HMOX1: variants seen among roughly 807,000 people sequenced by gnomAD.
HMOX1 encodes heme oxygenase 1, also known as heat shock protein, 32-kD.
Under a neutral mutation model 27.8 loss-of-function variants are expected in HMOX1, and 22 were observed. The observed-to-expected ratio is 0.79, with a 90% CI of 0.57 to 1.13. The LOEUF is 1.13. Ranked by LOEUF, HMOX1 falls within the 50% of genes most tolerant of loss-of-function variation. HMOX1 has a pLI of 0.00. For synonymous variants in HMOX1, 153 were observed against 151.6 expected, an observed-to-expected ratio of 1.01 and a Z score of -0.07; for missense variants, 379 against 377.7, an observed-to-expected ratio of 1.00 and a Z score of -0.03.
rs1455111177 is a variant in HMOX1 at position 35,389,907 on chromosome 22, A to C, written c.680A>C (p.Asp227Ala). Residue 227 changes from aspartate (D) to alanine (A), a missense_variant, in exon 4 of 5, where the codon GAC (aspartate) becomes GCC (alanine). Coordinates refer to ENST00000216117, the MANE Select transcript of HMOX1 (RefSeq NM_002133.3). ...LQELLTHDTK[D>A]QSPSRAPGLR... is the part of the protein sequence containing the mutation. ...GAGCTGCTGACCCATGACACCAAGG[A>C]CCAGAGCCCCTCACGGGCACCAGGG... 8 of 1,612,076 alleles carry C rather than the reference A, an allele frequency of 5.0e-6. No homozygotes were observed. Among genetic ancestry groups the C allele is most frequent in the Non-Finnish European group, 6.8e-6 (8 of 1,179,764 alleles).
rs191463168 is a variant in HMOX1, at chr22:35,388,030, G to T, written c.636+854G>T. ...TGTAATCCCAGCACTTTGGGAAGCC[G>T]AGGTGGGCGGATTGCTTGAGCTCAG... On this transcript the variant is annotated intron_variant, in intron 3 of 4. Transcript: ENST00000216117. 2.4e-3 allele frequency among the ~76,000 whole-genome samples: 363 copies of T among 152,294 alleles called. 1 individual carries two copies. Among genetic ancestry groups the T allele is most frequent in the Admixed American group, 0.012 (184 of 15,300 alleles).
rs1418000413 is a variant in HMOX1 at position 35,393,809 on chromosome 22, T to G, written c.*211T>G. 1.6e-6 allele frequency: 1 copy of G among 615,862 alleles called. No individual in the cohort carries two copies. Among genetic ancestry groups the G allele is most frequent in the Admixed American group, 2.4e-5 (1 of 41,652 alleles). The allele number at this position is 615,862 out of a possible 1,614,324, so 38.1% of individuals were successfully genotyped here. ...AGCACATCCAGGCAATGGCCTAAAC[T>G]TCAGAGGGGGCGAAGGGATCAGCCC... On this transcript the variant is annotated 3_prime_UTR_variant, in exon 5 of 5. Transcript: ENST00000216117.
intron 1 of HMOX1, among the ~76,000 whole-genome samples, chr22:35,382,895 T>C (rs917771712): frequency 6.6e-6 from 1 of 152,056 alleles, no homozygotes; most frequent in Non-Finnish European, 1.5e-5. Context: ...TGACCTCAGG[T>C]GATCCACCTG....
chr22:35,389,937 G>A lies in HMOX1; in HGVS notation c.710G>A (p.Arg237His), dbSNP rs183007438. The A allele has an allele frequency of 8.7e-6, 14 of 1,611,278 alleles. No individual in the cohort carries two copies. Among genetic ancestry groups the A allele is most frequent in the Admixed American group, 5.0e-5 (3 of 59,814 alleles). Residue 237 changes from arginine (R) to histidine (H), a missense_variant, in exon 4 of 5, where the codon CGC becomes CAC. Coordinates refer to ENST00000216117, the MANE Select transcript of HMOX1 (RefSeq NM_002133.3). The stretch of plus-strand genomic sequence containing the variant: ...AGCCCCTCACGGGCACCAGGGCTTC[G>A]CCAGCGGGCCAGCAACAAAGTGCAA... ...DQSPSRAPGL[R>H]QRASNKVQDS...
In HMOX1 at chr22:35,386,666, C is replaced by T. The variant is rs17879606; in HGVS notation, c.145-19C>T. ...TCTTCTATGTGGCTGGCGGCCTGAC[C>T]TGCTCACTCTGCTTTCAGCTGGTGA... is the stretch of plus-strand genomic sequence containing the variant. On this transcript the variant is annotated intron_variant, in intron 2 of 4. Transcript: ENST00000216117. The T allele has an allele frequency of 0.044, 71,255 of 1,613,852 alleles. 1,734 individuals carry two copies. The highest frequency in any genetic ancestry group is 0.071 in the Middle Eastern group (429 of 6,060).
chr22:35,389,083 C>T (rs1432011337), intron 3 of HMOX1, among the ~76,000 whole-genome samples: 2 of 152,126 alleles, frequency 1.3e-5, no homozygotes, highest in Non-Finnish European at 2.9e-5. Context: ...CCACAGTGAA[C>T]TCTAAATCCA....
At chr22:35,388,678 T>A (rs1931569774) in intron 3 of HMOX1, among the ~76,000 whole-genome samples, 2 of 151,874 alleles carry the variant, frequency 1.3e-5, no homozygotes, top group Admixed American at 1.3e-4. Flanking sequence ...GCACCTGTAG[T>A]CCCAGCTACT....
Position 35,389,917 on chromosome 22 carries a change from C to A in HMOX1, c.690C>A (p.Pro230=), listed in dbSNP as rs926378215. Residue 230 remains proline, a synonymous_variant, in exon 4 of 5, where the codon CCC becomes CCA. Coordinates refer to ENST00000216117, the MANE Select transcript of HMOX1 (RefSeq NM_002133.3). The part of the protein sequence containing the change: ...LLTHDTKDQS[P]SRAPGLRQRA... ...CCCATGACACCAAGGACCAGAGCCC[C>A]TCACGGGCACCAGGGCTTCGCCAGC... The A allele has an allele frequency of 6.2e-7, 1 of 1,612,070 alleles. No individual in the cohort carries two copies. The highest frequency in any genetic ancestry group is 1.3e-5 in the African/African-American group (1 of 74,872).
Position 35,387,185 on chromosome 22 carries a change from CGGGCAGCCTG to C in HMOX1, c.636+19_636+28del, listed in dbSNP as rs1245430676. 3 of 1,613,078 alleles carry C rather than the reference CGGGCAGCCTG, an allele frequency of 1.9e-6. No homozygotes were observed. Among genetic ancestry groups the C allele is most frequent in the Non-Finnish European group, 2.5e-6 (3 of 1,179,992 alleles). On this transcript the variant is annotated intron_variant, in intron 3 of 4. Transcript: ENST00000216117. ...TCCTGCTCAACATCCAGGTGAGGGTCGGGCAGCCTGGGGCAGCCTCTGCCTCCCCCCGTTG... is the reference window on the plus strand; with the variant it reads ...TCCTGCTCAACATCCAGGTGAGGGTCGGGCAGCCTCTGCCTCCCCCCGTTG...
In HMOX1 at chr22:35,389,244, TTTC is replaced by T. The variant is rs1229832240; in HGVS notation, c.637-617_637-615del. Among the ~76,000 whole-genome samples the T allele has an allele frequency of 3.0e-5, 4 of 132,628 alleles. No individual in the cohort carries two copies. In the East Asian group the frequency reaches 6.4e-4, roughly 21 times the overall value. The allele number at this position is 132,628 out of a possible 152,430, so 87.0% of individuals were successfully genotyped here. A position where few individuals can be genotyped will look rare whatever the true frequency, so the allele number is the denominator to read the frequency against. ...TTCTTTCTTTCTTTCTTTCTTTTTC[TTTC>T]TTTTCTCTCTCTCTCTCTCTCTCTC... On this transcript the variant is annotated intron_variant, in intron 3 of 4. Coordinates refer to ENST00000216117, the MANE Select transcript of HMOX1 (RefSeq NM_002133.3).
At chr22:35,389,118 G>C (rs1324288857) in intron 3 of HMOX1, among the ~76,000 whole-genome samples, 1 of 152,148 alleles carries the variant, frequency 6.6e-6, no homozygotes, top group Non-Finnish European at 1.5e-5. Flanking sequence ...GGTTGGGAGG[G>C]CAAGAGCAGG....
chr22:35,389,921 C>G lies in HMOX1; in HGVS notation c.694C>G (p.Arg232Gly), dbSNP rs527424080. 6.2e-7 allele frequency: 1 copy of G among 1,612,028 alleles called. No homozygotes were observed. The highest frequency in any genetic ancestry group is 8.5e-7 in the Non-Finnish European group (1 of 1,179,764). Residue 232 changes from arginine to glycine, a missense_variant, in exon 4 of 5, where the codon CGG (arginine) becomes GGG (glycine). Transcript: ENST00000216117. ...TGACACCAAGGACCAGAGCCCCTCA[C>G]GGGCACCAGGGCTTCGCCAGCGGGC... ...THDTKDQSPS[R>G]APGLRQRASN... is the part of the protein sequence containing the mutation.
intron 3 of HMOX1, among the ~76,000 whole-genome samples, chr22:35,389,341 C>CCTTCCTTCCTTCCTTCCT (rs1555901584): frequency 3.2e-5 from 2 of 62,538 alleles, no homozygotes; most frequent in Non-Finnish European, 5.4e-5. Context: ...TTTCTTTCTT[C>CCTTCCTTCCTTCCTTCCT]TCCTTCCTTC....
chr22:35,392,601 G>T (rs933577029), intron 4 of HMOX1, among the ~76,000 whole-genome samples: 2 of 152,094 alleles, frequency 1.3e-5, no homozygotes, highest in African/African-American at 4.8e-5. Flanking sequence ...CCAGAGACCT[G>T]CCCTGGACTC....
intron 4 of HMOX1, chr22:35,390,200 A>G: frequency 1.8e-6 from 1 of 550,470 alleles, no homozygotes; most frequent in Admixed American, 2.9e-5. Flanking sequence ...TGCTGCAGTT[A>G]CAGGCGCGAG....
Position 35,386,944 on chromosome 22 carries a change from C to G in HMOX1, c.404C>G (p.Thr135Ser), listed in dbSNP as rs765877829. The G allele has an allele frequency of 1.9e-6, 3 of 1,614,106 alleles. No homozygotes were observed. In the East Asian group the frequency reaches 6.7e-5, roughly 36 times the overall value. The change falls in exon 3 of 5, where the codon ACC becomes AGC. Residue 135 changes from threonine (T) to serine (S), a missense_variant. Thr to Ser is a moderately conservative substitution (Grantham distance 58). Transcript: ENST00000216117. ...EPELLVAHAYTRYLGDLSGGQ... is the reference protein window; with the variant it reads ...EPELLVAHAYSRYLGDLSGGQ... ...GAGCTGCTGGTGGCCCACGCCTACA[C>G]CCGCTACCTGGGTGACCTGTCTGGG...
Position 35,392,234 on chromosome 22 carries a change from AAAAG to A in HMOX1, c.737-1226_737-1223del, listed in dbSNP as rs1413629574. Among the ~76,000 whole-genome samples, 12 of 151,778 alleles carry A rather than the reference AAAAG, an allele frequency of 7.9e-5. No individual in the cohort carries two copies. The South Asian group carries it at 8.3e-4, about 11-fold the overall frequency. The stretch of plus-strand genomic sequence containing the variant: ...GAGACTCCATCTCAAAAAAAAAAAA[AAAAG>A]AAAGAAAAGAAAAGAAAAAGAATTT... On this transcript the variant is annotated intron_variant, in intron 4 of 4. Coordinates refer to ENST00000216117, the MANE Select transcript of HMOX1 (RefSeq NM_002133.3).
At chr22:35,381,299 G>A in intron 1 of HMOX1, 103 bp downstream of exon 1, 1 of 1,395,480 alleles carries the variant, frequency 7.2e-7, no homozygotes, top group Non-Finnish European at 9.8e-7. Context: ...CAGAGCCCAG[G>A]AGCCAGAAAC....
intron 3 of HMOX1, among the ~76,000 whole-genome samples, chr22:35,389,604 G>A (rs976912957): frequency 5.3e-5 from 8 of 151,174 alleles, no homozygotes; most frequent in African/African-American, 7.3e-5. Flanking sequence ...CACCACGCCC[G>A]GCTAATTTTT....
Sources: allele counts gnomAD v4.1 joint callset (sites outside exome capture counted in the v4.1 genomes callset), GRCh38; gene constraint gnomAD v4.1.1; transcripts MANE v1.5; gene names NCBI Gene and HGNC (gene_info 2026-07-23, HGNC 2026-07-21).